Variants in TSPEAR observed in about 807,000 individuals in gnomAD.
TSPEAR encodes thrombospondin-type laminin G domain and EAR repeat-containing protein.
In TSPEAR, 69 loss-of-function variants were observed where a neutral mutation model predicts 71.6. The ratio of observed to expected loss-of-function variants is 0.96; its 90% CI spans 0.79 to 1.18. TSPEAR has a LOEUF of 1.18. Ranked by LOEUF, TSPEAR falls within the 50% of genes most tolerant of loss-of-function variation. The pLI is 0.00. For synonymous variants in TSPEAR, 402 were observed against 387.2 expected, an observed-to-expected ratio of 1.04 and a Z score of -0.45; for missense variants, 971 against 894.9, an observed-to-expected ratio of 1.09 and a Z score of -1.09.
intron 1 of TSPEAR, chr21:44,654,448 C>A (rs1555942124): frequency 7.4e-6 from 12 of 1,614,060 alleles, no homozygotes; most frequent in South Asian, 1.1e-5. Context: ...GGCTGGCTGG[C>A]AGCAGGTGGA....
At chr21:44,637,636 A>T in intron 1 of TSPEAR, 1 of 1,613,588 alleles carries the variant, frequency 6.2e-7, no homozygotes, top group Non-Finnish European at 8.5e-7. Flanking sequence ...GCACAACCCC[A>T]TGCTACCAGC....
At chr21:44,661,436 A>G (rs1985491524) in intron 1 of TSPEAR, among the ~76,000 whole-genome samples, 1 of 152,232 alleles carries the variant, frequency 6.6e-6, no homozygotes, top group Non-Finnish European at 1.5e-5. Context: ...ACACTGCCGT[A>G]AAGTCCTGCC....
chr21:44,521,323 C>T (rs781969944), intron 9 of TSPEAR, among the ~76,000 whole-genome samples: 9 of 152,196 alleles, frequency 5.9e-5, no homozygotes, highest in Non-Finnish European at 1.2e-4. Flanking sequence ...GCACGCTGTC[C>T]CTGCCCCTGG....
chr21:44,605,154 TA>T (rs1555929636), intron 1 of TSPEAR, among the ~76,000 whole-genome samples: 1 of 152,234 alleles, frequency 6.6e-6, no homozygotes, highest in East Asian at 1.9e-4. Flanking sequence ...ATAGCATTTC[TA>T]TATACTAACA....
At chr21:44,679,033 A>G (rs1171553857) in intron 1 of TSPEAR, among the ~76,000 whole-genome samples, 2 of 152,178 alleles carry the variant, frequency 1.3e-5, no homozygotes, top group Non-Finnish European at 2.9e-5. Context: ...TCCTACTTCA[A>G]TTGGTCTACA....
At chr21:44,556,147 G>A (rs587616026) in intron 2 of TSPEAR, among the ~76,000 whole-genome samples, 1 of 152,292 alleles carries the variant, frequency 6.6e-6, no homozygotes, top group South Asian at 2.1e-4. Flanking sequence ...GGAGGCCAAG[G>A]CAGGCAGATC....
chr21:44,698,791 C>A (rs1987509458), intron 1 of TSPEAR, among the ~76,000 whole-genome samples: 1 of 152,244 alleles, frequency 6.6e-6, no homozygotes, highest in Admixed American at 6.5e-5. Context: ...CCTTCTACTG[C>A]CCCTACAACT....
chr21:44,621,462 C>T (rs1225673454), intron 1 of TSPEAR, among the ~76,000 whole-genome samples: 2 of 152,242 alleles, frequency 1.3e-5, no homozygotes, highest in African/African-American at 4.8e-5. Context: ...TCAGTCTGCT[C>T]CAGCTTCTGT....
chr21:44,658,595 C>T (rs1365335445), intron 1 of TSPEAR, among the ~76,000 whole-genome samples: 1 of 152,110 alleles, frequency 6.6e-6, no homozygotes, highest in Non-Finnish European at 1.5e-5. Context: ...AGGTACATAC[C>T]AACTTCAATG....
chr21:44,624,395 T>G (rs1207592687), intron 1 of TSPEAR, among the ~76,000 whole-genome samples: 1 of 152,240 alleles, frequency 6.6e-6, no homozygotes, highest in African/African-American at 2.4e-5. Context: ...GTTTGCTTTT[T>G]CCTCTTGGTC....
chr21:44,709,654 A>G (rs777481787), intron 1 of TSPEAR, among the ~76,000 whole-genome samples: 15 of 152,196 alleles, frequency 9.9e-5, no homozygotes, highest in Admixed American at 3.3e-4. Context: ...AGGGAGCAGG[A>G]TGAGAAAGCT....
At position 44,710,828 on chromosome 21, in the gene TSPEAR, G is replaced by A. The variant is rs1988182782; in HGVS notation, c.82+605C>T. Among the ~76,000 whole-genome samples, 1 of 152,262 alleles carries A rather than the reference G, an allele frequency of 6.6e-6. No homozygotes were observed. Among genetic ancestry groups the A allele is most frequent in the African/African-American group, 2.4e-5 (1 of 41,470 alleles). On this transcript the variant is annotated intron_variant, in intron 1 of 11. Coordinates refer to ENST00000323084, the MANE Select transcript of TSPEAR (RefSeq NM_144991.3). This position sits in a 1 kb window ranked among gnomAD's most constrained non-coding sequence, Gnocchi z 4.6. ...CAGCCTTTCTAAAAGGTGGGAAGGA[G>A]ACCCCCAGGCTTCGCCAGGACCCCC...
intron 2 of TSPEAR, among the ~76,000 whole-genome samples, chr21:44,561,710 A>C (rs1194709641): frequency 6.6e-6 from 1 of 152,258 alleles, no homozygotes; most frequent in Non-Finnish European, 1.5e-5. Flanking sequence ...CATCACATAA[A>C]GAGAACCAAT....
chr21:44,518,676 C>T (rs781784898), intron 9 of TSPEAR: 7 of 470,734 alleles, frequency 1.5e-5, no homozygotes, highest in Middle Eastern at 3.2e-4. Context: ...CCCCCTGCCC[C>T]CCACCAGCTC....
intron 1 of TSPEAR, among the ~76,000 whole-genome samples, chr21:44,618,082 T>C (rs1458823968): frequency 5.3e-5 from 8 of 152,238 alleles, no homozygotes; most frequent in African/African-American, 1.7e-4. Context: ...ACAGATATGG[T>C]TGGACTTTTT....
chr21:44,553,284 T>A (rs1555919348), intron 2 of TSPEAR, among the ~76,000 whole-genome samples: 2 of 152,174 alleles, frequency 1.3e-5, no homozygotes, highest in Non-Finnish European at 2.9e-5. Context: ...GAACCAGGAC[T>A]AGAAGCCAGC....
At chr21:44,630,071 G>C (rs1313764741) in intron 1 of TSPEAR, among the ~76,000 whole-genome samples, 1 of 152,202 alleles carries the variant, frequency 6.6e-6, no homozygotes, top group Non-Finnish European at 1.5e-5. Context: ...CACAGTGATA[G>C]AAACCAACTC....
chr21:44,674,071 G>A (rs1986185890), intron 1 of TSPEAR, among the ~76,000 whole-genome samples: 2 of 150,354 alleles, frequency 1.3e-5, no homozygotes, highest in Non-Finnish European at 2.9e-5. Flanking sequence ...GATCACTTGA[G>A]CCCAGGAGTT....
At chr21:44,582,156 T>C (rs1979020704) in intron 1 of TSPEAR, among the ~76,000 whole-genome samples, 1 of 152,232 alleles carries the variant, frequency 6.6e-6, no homozygotes, top group African/African-American at 2.4e-5. Context: ...TCAGCGGGTG[T>C]GCTACAGACA....
Sources: gnomAD v4.1 joint callset for allele counts (sites outside exome capture counted in the v4.1 genomes callset) on GRCh38, gnomAD v4.1.1 for gene constraint, Gnocchi (gnomAD v3.1) non-coding constraint, MANE v1.5 for transcripts, NCBI Gene and HGNC (gene_info 2026-07-23, HGNC 2026-07-21) for gene names.